Variants in NFIB observed in about 807,000 individuals in gnomAD.
NFIB encodes nuclear factor I B.
A neutral mutation model predicts 61.5 loss-of-function variants in NFIB; 11 were observed. That is an observed-to-expected ratio of 0.18 (90% CI 0.11 to 0.30). The LOEUF is 0.30. NFIB is among the 10% of genes least tolerant of loss of function. The pLI is 1.00. For synonymous variants in NFIB, 260 were observed against 216.5 expected, an observed-to-expected ratio of 1.20 and a Z score of -1.76; for missense variants, 471 against 608.9, an observed-to-expected ratio of 0.77 and a Z score of 2.38.
the NFIB span, among the ~76,000 whole-genome samples, chr9:14,515,761 T>A: frequency 6.6e-6 from 1 of 152,030 alleles, no homozygotes; most frequent in South Asian, 2.1e-4. Flanking sequence ...GGGTTGGGGG[T>A]GGGGCCTGAG....
the NFIB span, among the ~76,000 whole-genome samples, chr9:14,419,351 G>A: frequency 6.6e-6 from 1 of 150,942 alleles, no homozygotes; most frequent in African/African-American, 2.4e-5. Context: ...GACTTGAAGT[G>A]AGCCTTGCAG....
At chr9:14,168,381 A>C (rs2131336414) in intron 3 of NFIB, among the ~76,000 whole-genome samples, 1 of 152,342 alleles carries the variant, frequency 6.6e-6, no homozygotes, top group South Asian at 2.1e-4. Flanking sequence ...TAGTACTGTA[A>C]AACAGCACTG....
the NFIB span, among the ~76,000 whole-genome samples, chr9:14,512,005 C>G: frequency 1.3e-5 from 2 of 152,152 alleles, no homozygotes; most frequent in Non-Finnish European, 2.9e-5. Context: ...GTATAAAGAA[C>G]AGATTCTCTA....
the NFIB span, among the ~76,000 whole-genome samples, chr9:14,461,668 T>G: frequency 6.6e-6 from 1 of 152,196 alleles, no homozygotes. Flanking sequence ...CTTTTATGTA[T>G]GGTAAGAATC....
chr9:14,195,770 T>C (rs575071373), intron 2 of NFIB, among the ~76,000 whole-genome samples: 3 of 152,254 alleles, frequency 2.0e-5, no homozygotes, highest in South Asian at 2.1e-4. Context: ...GAATCTTTTA[T>C]GGCATTAAGG....
the NFIB span, among the ~76,000 whole-genome samples, chr9:14,459,472 C>T: frequency 6.6e-6 from 1 of 152,144 alleles, no homozygotes; most frequent in Non-Finnish European, 1.5e-5. Context: ...GACTTCATGT[C>T]TAAAACACCA....
intron 1 of NFIB, among the ~76,000 whole-genome samples, chr9:14,329,461 C>T (rs1588317448): frequency 6.6e-6 from 1 of 152,088 alleles, no homozygotes; most frequent in Non-Finnish European, 1.5e-5. Flanking sequence ...AAACACCTGA[C>T]CCCCCTGCAA....
upstream of NFIB, among the ~76,000 whole-genome samples, chr9:14,403,773 A>G (rs1451190672): frequency 6.6e-6 from 1 of 152,200 alleles, no homozygotes; most frequent in African/African-American, 2.4e-5. Context: ...TGCCACTTAA[A>G]ATCTTTGGAA....
intron 2 of NFIB, among the ~76,000 whole-genome samples, chr9:14,219,627 T>G (rs1309414906): frequency 1.3e-5 from 2 of 152,126 alleles, no homozygotes; most frequent in Admixed American, 6.5e-5. Context: ...TTACTTTTGC[T>G]GGCATTTTGT....
intron 1 of NFIB, among the ~76,000 whole-genome samples, chr9:14,346,288 A>ACTCC (rs1455937583): frequency 1.4e-5 from 1 of 71,952 alleles, no homozygotes; most frequent in South Asian, 5.9e-4. Context: ...GAGGTAACCG[A>ACTCC]CACCCCCCCC....
At chr9:14,152,599 T>C (rs919813085) in intron 4 of NFIB, among the ~76,000 whole-genome samples, 4 of 152,100 alleles carry the variant, frequency 2.6e-5, no homozygotes, top group Non-Finnish European at 4.4e-5. Context: ...ATTAAGCTCA[T>C]GCAATATTTA....
chr9:14,427,934 G>GTTTTTT, the NFIB span, among the ~76,000 whole-genome samples: 119 of 25,950 alleles, frequency 4.6e-3, 3 homozygotes, highest in Middle Eastern at 0.028. Context: ...CTTTAATTCA[G>GTTTTTT]TTGTTTTTTT....
intron 1 of NFIB, among the ~76,000 whole-genome samples, chr9:14,324,372 A>T (rs546473119): frequency 1.4e-3 from 214 of 152,312 alleles, no homozygotes; most frequent in African/African-American, 4.9e-3. Context: ...CAGAAGAATG[A>T]TGGATATAGA....
chr9:14,417,005 G>A, the NFIB span, among the ~76,000 whole-genome samples: 1 of 149,446 alleles, frequency 6.7e-6, no homozygotes, highest in Non-Finnish European at 1.5e-5. Flanking sequence ...CGATTCTCCT[G>A]CCTCAGCCTC....
chr9:14,416,509 A>C, the NFIB span, among the ~76,000 whole-genome samples: 9 of 151,938 alleles, frequency 5.9e-5, no homozygotes, highest in African/African-American at 1.5e-4. Flanking sequence ...TTTTTAACAA[A>C]AAAAAAAATT....
intron 2 of NFIB, among the ~76,000 whole-genome samples, chr9:14,227,976 T>C (rs11794535): frequency 0.13 from 19,934 of 152,184 alleles, 1,456 homozygotes; most frequent in Middle Eastern, 0.17. Context: ...CATTTTCAAG[T>C]ATCCAAGTTT....
the NFIB span, among the ~76,000 whole-genome samples, chr9:14,516,828 ATTAG>A: frequency 1.3e-5 from 2 of 152,294 alleles, no homozygotes; most frequent in South Asian, 2.1e-4. Context: ...AATATTCGTG[ATTAG>A]TTAGTATTAT....
chr9:14,518,529 A>C, the NFIB span, among the ~76,000 whole-genome samples: 1 of 151,892 alleles, frequency 6.6e-6, no homozygotes, highest in Non-Finnish European at 1.5e-5. Context: ...CCTAGTGGGA[A>C]ACAAAAAACA....
intron 1 of NFIB, among the ~76,000 whole-genome samples, chr9:14,379,113 C>T (rs2132994338): frequency 6.6e-6 from 1 of 152,318 alleles, no homozygotes; most frequent in East Asian, 1.9e-4. Context: ...AACCAATCAC[C>T]TCTCAGCATA....
Sources: gnomAD v4.1 joint callset for allele counts (sites outside exome capture counted in the v4.1 genomes callset) on GRCh38, gnomAD v4.1.1 for gene constraint, MANE v1.5 for transcripts, NCBI Gene and HGNC (gene_info 2026-07-23, HGNC 2026-07-21) for gene names.